Variants in DPP10 observed in about 807,000 individuals in gnomAD.
The protein encoded by DPP10 is inactive dipeptidyl peptidase 10.
In DPP10, 33 loss-of-function variants were observed where a neutral mutation model predicts 120.9. The observed-to-expected ratio is 0.27, with a 90% confidence interval of 0.21 to 0.37. DPP10 has a LOEUF of 0.37. Among genes scored for constraint, DPP10 ranks in the 10% least tolerant of loss-of-function variants. DPP10 has a pLI of 1.00. For synonymous variants in DPP10, 337 were observed against 326.1 expected, an observed-to-expected ratio of 1.03 and a Z score of -0.36; for missense variants, 816 against 942.8, an observed-to-expected ratio of 0.87 and a Z score of 1.76.
At chr2:114,638,445 C>T (rs778703227) in intron 1 of DPP10, among the ~76,000 whole-genome samples, 1 of 151,572 alleles carries the variant, frequency 6.6e-6, no homozygotes, top group Non-Finnish European at 1.5e-5. Flanking sequence ...CAAATAATCC[C>T]ATCAAAAAAA....
intron 1 of DPP10, among the ~76,000 whole-genome samples, chr2:114,680,006 A>G (rs956844149): frequency 6.6e-6 from 1 of 152,026 alleles, no homozygotes; most frequent in African/African-American, 2.4e-5. Flanking sequence ...GATATTTAAA[A>G]TAGGATGTAA....
At chr2:115,721,552 A>G (rs75681828) in intron 7 of DPP10, among the ~76,000 whole-genome samples, 4,355 of 152,254 alleles carry the variant, frequency 0.029, 140 homozygotes, top group South Asian at 0.089. Flanking sequence ...AATGCAAATC[A>G]AAACTACAAT....
intron 1 of DPP10, among the ~76,000 whole-genome samples, chr2:114,966,262 T>C (rs1699025847): frequency 2.0e-5 from 3 of 152,072 alleles, no homozygotes; most frequent in Admixed American, 1.3e-4. Context: ...TAAAATTTGA[T>C]CCCAAATGTG....
intron 19 of DPP10, among the ~76,000 whole-genome samples, chr2:115,803,667 G>GT (rs1396563993): frequency 2.0e-5 from 3 of 151,892 alleles, no homozygotes; most frequent in South Asian, 4.2e-4. Context: ...TCTGTAAAGT[G>GT]TTTTTTTCTC....
intron 1 of DPP10, among the ~76,000 whole-genome samples, chr2:114,795,163 C>T (rs184894127): frequency 6.6e-6 from 1 of 152,120 alleles, no homozygotes; most frequent in Non-Finnish European, 1.5e-5. Context: ...GATAAGGAGA[C>T]CTTTTTCCAG....
intron 1 of DPP10, among the ~76,000 whole-genome samples, chr2:114,847,983 T>C (rs1353762367): frequency 6.6e-6 from 1 of 152,140 alleles, no homozygotes; most frequent in Non-Finnish European, 1.5e-5. Flanking sequence ...TAGGTCAACA[T>C]CAAAGTAGTT....
At chr2:115,260,645 T>C (rs1317281797) in intron 1 of DPP10, among the ~76,000 whole-genome samples, 2 of 152,230 alleles carry the variant, frequency 1.3e-5, no homozygotes, top group African/African-American at 4.8e-5. Context: ...CACAAAAGTC[T>C]ATCCTAACTA....
Position 115,842,437 on chromosome 2 carries a change from AG to A in DPP10, c.*95del. The A allele has an allele frequency of 6.8e-7, 1 of 1,461,958 alleles. No individual in the cohort carries two copies. The highest frequency in any genetic ancestry group is 9.2e-7 in the Non-Finnish European group (1 of 1,087,732). The allele number at this position is 1,461,958 out of a possible 1,614,324, so 90.6% of individuals were successfully genotyped here. On this transcript the variant is annotated 3_prime_UTR_variant, in exon 26 of 26. Transcript: ENST00000410059. ...ATATTGTAGTTGCTCCAGAATGTCA[AG>A]GGCAGCTTACGGAGATGTCACTGGA... is the stretch of plus-strand genomic sequence containing the variant.
At chr2:114,903,507 T>G (rs192681376) in intron 1 of DPP10, among the ~76,000 whole-genome samples, 1 of 152,316 alleles carries the variant, frequency 6.6e-6, no homozygotes, top group African/African-American at 2.4e-5. Flanking sequence ...ATATCATTGT[T>G]TCAATTTGAG....
intron 1 of DPP10, among the ~76,000 whole-genome samples, chr2:114,736,504 A>G (rs1677455735): frequency 6.6e-6 from 1 of 152,224 alleles, no homozygotes; most frequent in Non-Finnish European, 1.5e-5. Flanking sequence ...ATAATTGTTT[A>G]TTGTTTAGAA....
chr2:115,747,101 T>C (rs762964191), intron 10 of DPP10, among the ~76,000 whole-genome samples: 4 of 152,166 alleles, frequency 2.6e-5, no homozygotes, highest in Non-Finnish European at 5.9e-5. Flanking sequence ...TAAAGGTTTA[T>C]GGAATGCTTA....
chr2:115,730,103 T>C (rs182847180), intron 8 of DPP10, among the ~76,000 whole-genome samples: 31 of 152,282 alleles, frequency 2.0e-4, no homozygotes, highest in African/African-American at 7.5e-4. Context: ...GTGACAAGAT[T>C]GGATCTTCCA....
At chr2:114,492,571 C>T (rs984175764) in intron 1 of DPP10, among the ~76,000 whole-genome samples, 5 of 152,256 alleles carry the variant, frequency 3.3e-5, no homozygotes, top group East Asian at 3.9e-4. Flanking sequence ...TGTATATGCA[C>T]GTGCTTACAT....
chr2:115,031,545 A>C (rs1703842116), intron 1 of DPP10, among the ~76,000 whole-genome samples: 1 of 152,180 alleles, frequency 6.6e-6, no homozygotes, highest in Non-Finnish European at 1.5e-5. Context: ...TTCTGCATGC[A>C]GATTGAATAT....
At chr2:114,630,368 A>T (rs958516000) in intron 1 of DPP10, among the ~76,000 whole-genome samples, 1 of 152,172 alleles carries the variant, frequency 6.6e-6, no homozygotes, top group Non-Finnish European at 1.5e-5. Context: ...CCAGTTCAGG[A>T]TAATACTAAT....
chr2:115,481,694 G>A (rs1490693131), intron 3 of DPP10, among the ~76,000 whole-genome samples: 1 of 151,984 alleles, frequency 6.6e-6, no homozygotes, highest in African/African-American at 2.4e-5. Flanking sequence ...TACTGATAAA[G>A]TAATTAACTC....
chr2:115,356,083 TTC>T (rs2064365760), intron 3 of DPP10, among the ~76,000 whole-genome samples: 1 of 152,106 alleles, frequency 6.6e-6, no homozygotes, highest in South Asian at 2.1e-4. Flanking sequence ...TTTTTTCTTC[TTC>T]TGTGAAGAAA....
chr2:115,540,165 C>T (rs2079094315), intron 5 of DPP10, among the ~76,000 whole-genome samples: 1 of 151,790 alleles, frequency 6.6e-6, no homozygotes, highest in African/African-American at 2.4e-5. Context: ...ATGGTCAAAA[C>T]ATTTATACTT....
intron 1 of DPP10, among the ~76,000 whole-genome samples, chr2:114,582,435 G>T (rs980430311): frequency 6.6e-6 from 1 of 152,140 alleles, no homozygotes; most frequent in Non-Finnish European, 1.5e-5. Flanking sequence ...TATATGTTTT[G>T]AACTCATTTT....
Sources: allele counts gnomAD v4.1 joint callset (sites outside exome capture counted in the v4.1 genomes callset), GRCh38; gene constraint gnomAD v4.1.1; transcripts MANE v1.5; gene names NCBI Gene and HGNC (gene_info 2026-07-23, HGNC 2026-07-21).